Variants in SMPX observed in about 807,000 individuals in gnomAD.
The protein encoded by SMPX is small muscle protein X-linked.
Under a neutral mutation model 6.3 loss-of-function variants are expected in SMPX, and 2 were observed. The observed-to-expected ratio is 0.32, with a 90% CI of 0.13 to 0.99. The LOEUF (loss-of-function observed/expected upper bound fraction) is 0.99. Ranked by LOEUF, SMPX falls within the 50% of genes least tolerant of loss-of-function variation. SMPX has a pLI of 0.49. For missense variants in SMPX, 60 were observed against 66.8 expected (o/e 0.90, Z 0.36); for synonymous variants, 32 against 24.7 (o/e 1.30, Z -0.88).
chrX:21,739,120 A>C (rs1435189668), intron 3 of SMPX, among the ~76,000 whole-genome samples: 1 of 109,711 alleles, frequency 9.1e-6, no homozygotes, highest in Non-Finnish European at 1.9e-5. Context: ...CTTACCCTCA[A>C]CCCCCACCAG....
chrX:21,752,484 C>T (rs142428471), intron 2 of SMPX, among the ~76,000 whole-genome samples: 1,620 of 111,204 alleles, frequency 0.015, 27 homozygotes, highest in African/African-American at 0.049. Context: ...TCAATGCGTG[C>T]TTGCTATGCT....
intron 4 of SMPX, among the ~76,000 whole-genome samples, chrX:21,710,220 C>T (rs1395614184): frequency 8.9e-6 from 1 of 111,981 alleles, no homozygotes; most frequent in Non-Finnish European, 1.9e-5. Flanking sequence ...AAATACTACT[C>T]ATCTATAAAA....
At chrX:21,707,135 ACT>A (rs200739484) in intron 4 of SMPX, among the ~76,000 whole-genome samples, 2,281 of 106,831 alleles carry the variant, frequency 0.021, 26 homozygotes, top group Middle Eastern at 0.038. Context: ...CCACCATTTG[ACT>A]CTCTGCCTCT....
At chrX:21,754,799 G>A (rs926835754) in intron 1 of SMPX, among the ~76,000 whole-genome samples, 1 of 111,976 alleles carries the variant, frequency 8.9e-6, no homozygotes, top group Non-Finnish European at 1.9e-5. Flanking sequence ...TAACGGCTGC[G>A]ATGCTCTCTA....
At chrX:21,731,027 T>G (rs1416879917) in intron 4 of SMPX, among the ~76,000 whole-genome samples, 1 of 111,608 alleles carries the variant, frequency 9.0e-6, no homozygotes, top group Non-Finnish European at 1.9e-5. Context: ...CTCTAAGTAC[T>G]GCTTTCATTG....
At chrX:21,740,138 G>C (rs1483826637) in intron 3 of SMPX, among the ~76,000 whole-genome samples, 1 of 111,531 alleles carries the variant, frequency 9.0e-6, no homozygotes, top group East Asian at 2.8e-4. Flanking sequence ...GGGGGTTAAT[G>C]GTGCATTTTC....
At chrX:21,755,015 C>A (rs2092831374) in intron 1 of SMPX, among the ~76,000 whole-genome samples, 2 of 112,441 alleles carry the variant, frequency 1.8e-5, no homozygotes, top group African/African-American at 6.5e-5. Context: ...ATGACCATAA[C>A]AAATCCTCGA....
intron 2 of SMPX, among the ~76,000 whole-genome samples, chrX:21,747,233 T>G (rs1028248515): frequency 5.4e-5 from 6 of 111,624 alleles, no homozygotes; most frequent in African/African-American, 2.0e-4. Flanking sequence ...ATGCAATCCT[T>G]TGTATTTCTT....
At chrX:21,713,447 A>G (rs760059633) in intron 4 of SMPX, among the ~76,000 whole-genome samples, 9 of 112,298 alleles carry the variant, frequency 8.0e-5, no homozygotes, top group African/African-American at 2.6e-4. Context: ...TAATTTATAA[A>G]GAAAAAGAGG....
intron 4 of SMPX, among the ~76,000 whole-genome samples, chrX:21,717,449 G>A (rs918799073): frequency 7.1e-5 from 8 of 112,265 alleles, no homozygotes; most frequent in Non-Finnish European, 1.1e-4. Context: ...TATTAACAGC[G>A]TAAGAACAGA....
chrX:21,737,637 C>G lies in SMPX; in HGVS notation c.193G>C (p.Gly65Arg). 8.3e-7 allele frequency: 1 copy of G among 1,207,343 alleles called. No individual in the cohort carries two copies. The change falls in exon 4 of 5, where the codon GGA becomes CGA. Residue 65 changes from glycine to arginine, a missense_variant. Gly to Arg is a moderately radical substitution (Grantham distance 125). Coordinates refer to ENST00000379494, the MANE Select transcript of SMPX (RefSeq NM_014332.3). Reference protein sequence around the residue: ...KPIPGAKKLPGPAVNLSEIQN... With the variant: ...KPIPGAKKLPRPAVNLSEIQN... ...ATTTCCGATAGATTGACTGCAGGTC[C>G]TGGAAGTTTCTTCGCTCCTGGAATT...
rs1555973363 is a variant in SMPX, at chrX:21,731,562, T to TAATGTGTG, written c.*14+5986_*14+5987insCACACATT. ...ATGTGTGTATGTGTATATATACACATTATGTGTATATGTGTATATGTGTAT... is the reference window on the plus strand; with the variant it reads ...ATGTGTGTATGTGTATATATACACATAATGTGTGTATGTGTATATGTGTATATGTGTAT... On this transcript the variant is annotated intron_variant, in intron 4 of 4. Transcript: ENST00000379494. Among the ~76,000 whole-genome samples, 6 of 51,097 alleles carry TAATGTGTG rather than the reference T, an allele frequency of 1.2e-4. 2 individuals carry two copies. Among genetic ancestry groups the TAATGTGTG allele is most frequent in the Non-Finnish European group, 2.3e-4 (5 of 21,752 alleles). 44.4% of individuals were successfully genotyped at this position (51,097 alleles called of 115,157 possible).
intron 4 of SMPX, among the ~76,000 whole-genome samples, chrX:21,707,902 C>T (rs1227629286): frequency 8.9e-6 from 1 of 112,178 alleles, no homozygotes; most frequent in Non-Finnish European, 1.9e-5. Context: ...CTGAGCCCAA[C>T]CTATATCAGC....
chrX:21,735,672 G>A (rs59047999), intron 4 of SMPX, among the ~76,000 whole-genome samples: 1 of 112,000 alleles, frequency 8.9e-6, no homozygotes, highest in Non-Finnish European at 1.9e-5. Flanking sequence ...CTGGAACTGA[G>A]GTTAAATTTA....
rs761398152 is a variant in SMPX at position 21,739,390 on chromosome X, T to G, written c.133-1693A>C. Among the ~76,000 whole-genome samples the G allele has an allele frequency of 2.7e-5, 3 of 112,267 alleles. No individual in the cohort carries two copies. In the South Asian group the frequency reaches 1.1e-3, roughly 42 times the overall value. Reference sequence around the variant, plus strand: ...TTTTCCTACAGTCATTTTCTTTAAATCTGGTACAGTGCTGATGAAATAGCT... The same window carrying G: ...TTTTCCTACAGTCATTTTCTTTAAAGCTGGTACAGTGCTGATGAAATAGCT... On this transcript the variant is annotated intron_variant, in intron 3 of 4. Transcript: ENST00000379494.
At chrX:21,714,602 C>T in intron 4 of SMPX, among the ~76,000 whole-genome samples, 1 of 111,974 alleles carries the variant, frequency 8.9e-6, no homozygotes, top group Non-Finnish European at 1.9e-5. Flanking sequence ...AACCCCCCCA[C>T]CCTCATCATT....
At chrX:21,742,277 T>A (rs1302564707) in intron 3 of SMPX, among the ~76,000 whole-genome samples, 1 of 112,237 alleles carries the variant, frequency 8.9e-6, no homozygotes, top group Non-Finnish European at 1.9e-5. Flanking sequence ...CCCCATGCCT[T>A]TTCCTTACAA....
chrX:21,746,884 T>A (rs2092822078), intron 2 of SMPX, among the ~76,000 whole-genome samples: 1 of 111,123 alleles, frequency 9.0e-6, no homozygotes, highest in South Asian at 3.8e-4. Context: ...ATAAGAAAAA[T>A]TCCTTATAAT....
At chrX:21,732,029 G>C (rs191242295) in intron 4 of SMPX, among the ~76,000 whole-genome samples, 1 of 110,487 alleles carries the variant, frequency 9.1e-6, no homozygotes, top group Non-Finnish European at 1.9e-5. Context: ...GGGGTCTGTT[G>C]TTATGTACTA....
Sources: gnomAD v4.1 joint callset for allele counts (sites outside exome capture counted in the v4.1 genomes callset) on GRCh38, gnomAD v4.1.1 for gene constraint, MANE v1.5 for transcripts, NCBI Gene and HGNC (gene_info 2026-07-23, HGNC 2026-07-21) for gene names.